HNF4G: variants seen among roughly 807,000 people sequenced by gnomAD.
HNF4G encodes the protein hepatocyte nuclear factor 4-gamma.
A neutral mutation model predicts 50.9 loss-of-function variants in HNF4G; 21 were observed. The observed-to-expected ratio is 0.41, with a 90% CI of 0.29 to 0.59. The LOEUF (loss-of-function observed/expected upper bound fraction) is 0.59, where lower values mean the gene tolerates loss of function less well. Among genes scored for constraint, HNF4G ranks in the 20% least tolerant of loss-of-function variants. The pLI, the probability that HNF4G is intolerant of heterozygous loss-of-function variation, is 0.26. For missense variants in HNF4G, 527 were observed against 559.4 expected (o/e 0.94, Z 0.58); for synonymous variants, 198 against 185.6 (o/e 1.07, Z -0.54).
chr8:75,410,526 T>C (rs1003388457), intron 1 of HNF4G, among the ~76,000 whole-genome samples: 8 of 152,306 alleles, frequency 5.3e-5, no homozygotes, highest in African/African-American at 1.7e-4. Context: ...ACCGCATTTG[T>C]TACTAACTAT....
At position 75,410,535 on chromosome 8, in the gene HNF4G, A is replaced by G. The variant is rs537069557; in HGVS notation, c.-144+2373A>G. On this transcript the variant is annotated intron_variant, in intron 1 of 10. Coordinates refer to the HNF4G transcript ENST00000354370. ...GAATCTACCGCATTTGTTACTAACT[A>G]TCCATTTACTGAATGGCTGGAGATA... Among the ~76,000 whole-genome samples the G allele has an allele frequency of 9.2e-5, 14 of 152,342 alleles. No individual in the cohort carries two copies. In the South Asian group the frequency reaches 1.7e-3, roughly 18 times the overall value.
intron 2 of HNF4G, among the ~76,000 whole-genome samples, chr8:75,546,748 C>T (rs1806791966): frequency 6.6e-6 from 1 of 151,984 alleles, no homozygotes; most frequent in African/African-American, 2.4e-5. Flanking sequence ...GCAGTCATGC[C>T]ACATTTTGTT....
chr8:75,461,691 A>C (rs1167298512), intron 1 of HNF4G, among the ~76,000 whole-genome samples: 1 of 150,940 alleles, frequency 6.6e-6, no homozygotes. Context: ...CCCCAAGTAG[A>C]TGCCTGAAAC....
chr8:75,422,647 T>C (rs1459440331), intron 1 of HNF4G, among the ~76,000 whole-genome samples: 2 of 152,074 alleles, frequency 1.3e-5, no homozygotes, highest in African/African-American at 4.8e-5. Flanking sequence ...TCTTTTTTTT[T>C]TTTTGAGACG....
intron 2 of HNF4G, among the ~76,000 whole-genome samples, chr8:75,501,622 G>GA (rs971561844): frequency 3.3e-5 from 5 of 151,788 alleles, no homozygotes; most frequent in African/African-American, 1.2e-4. Flanking sequence ...TTCCATCAGA[G>GA]AAAAAAATTA....
chr8:75,431,012 C>T (rs935711356), intron 1 of HNF4G, among the ~76,000 whole-genome samples: 1 of 151,788 alleles, frequency 6.6e-6, no homozygotes, highest in Non-Finnish European at 1.5e-5. Context: ...CAAACAGATA[C>T]ATTTAAAAAA....
chr8:75,559,690 C>A (rs1807250057), intron 8 of HNF4G, among the ~76,000 whole-genome samples: 1 of 152,076 alleles, frequency 6.6e-6, no homozygotes, highest in African/African-American at 2.4e-5. Flanking sequence ...ATGACCTCTT[C>A]AAATATATCA....
At chr8:75,508,379 A>G (rs1006316733) in intron 2 of HNF4G, among the ~76,000 whole-genome samples, 3 of 152,066 alleles carry the variant, frequency 2.0e-5, no homozygotes, top group South Asian at 2.1e-4. Context: ...TAAAAAAAAA[A>G]AAAAAGGAAG....
chr8:75,448,273 G>T (rs1290231786), intron 1 of HNF4G, among the ~76,000 whole-genome samples: 22 of 124,448 alleles, frequency 1.8e-4, no homozygotes, highest in Non-Finnish European at 1.7e-4. Context: ...CCACACTCTG[G>T]GGACTGTGGT....
chr8:75,411,449 C>T (rs545129287), intron 1 of HNF4G, among the ~76,000 whole-genome samples: 2 of 152,218 alleles, frequency 1.3e-5, no homozygotes, highest in Non-Finnish European at 2.9e-5. Context: ...TTTACCTACT[C>T]ATTATGGGTA....
rs1407252653 is a variant in HNF4G, at chr8:75,476,619, TG to T, written c.-143-13469del. 2.0e-5 allele frequency among the ~76,000 whole-genome samples: 3 copies of T among 152,242 alleles called. No individual in the cohort carries two copies. The East Asian group carries it at 5.8e-4, about 29-fold the overall frequency. On this transcript the variant is annotated intron_variant, in intron 1 of 10. Transcript: ENST00000354370. ...AAACATAGTTTTTAAAATTTGTTGT[TG>T]TTTTGTTTTTACATGTACTGTAGAT...
At chr8:75,562,290 G>C (rs1807336665) in intron 9 of HNF4G, among the ~76,000 whole-genome samples, 1 of 152,062 alleles carries the variant, frequency 6.6e-6, no homozygotes, top group African/African-American at 2.4e-5. Flanking sequence ...TGTGTAAATA[G>C]TATCTGAAAC....
At chr8:75,508,441 CAGTT>C (rs997296777) in intron 2 of HNF4G, among the ~76,000 whole-genome samples, 6 of 149,456 alleles carry the variant, frequency 4.0e-5, no homozygotes, top group Non-Finnish European at 7.4e-5. Context: ...ATATATTAAA[CAGTT>C]AAATAAAATA....
At chr8:75,481,371 C>T (rs967921622) in intron 1 of HNF4G, among the ~76,000 whole-genome samples, 26 of 152,178 alleles carry the variant, frequency 1.7e-4, no homozygotes, top group African/African-American at 6.3e-4. Context: ...TCCATCTGCT[C>T]TTCTTACTAG....
At chr8:75,494,946 G>A (rs2926580) in intron 2 of HNF4G, among the ~76,000 whole-genome samples, 34,576 of 151,942 alleles carry the variant, frequency 0.23, 5,138 homozygotes, top group African/African-American at 0.42. Flanking sequence ...TTGGTGTTAA[G>A]GAAACTATAT....
At chr8:75,515,884 G>A (rs1386725512) in intron 2 of HNF4G, among the ~76,000 whole-genome samples, 1 of 151,954 alleles carries the variant, frequency 6.6e-6, no homozygotes, top group East Asian at 1.9e-4. Context: ...TCCTGCCTCA[G>A]CCTCCCGAGT....
intron 1 of HNF4G, among the ~76,000 whole-genome samples, chr8:75,442,177 C>G (rs1190502367): frequency 1.3e-5 from 2 of 152,056 alleles, no homozygotes; most frequent in African/African-American, 4.8e-5. Flanking sequence ...AAGTTATTAT[C>G]ACAGGATAGA....
At chr8:75,551,023 C>CT (rs1806935466) in intron 3 of HNF4G, among the ~76,000 whole-genome samples, 1 of 152,256 alleles carries the variant, frequency 6.6e-6, no homozygotes, top group African/African-American at 2.4e-5. Flanking sequence ...TGAATACACT[C>CT]TTATCTTTGA....
In HNF4G at chr8:75,492,359, T is replaced by C. The variant is rs373961809; in HGVS notation, c.-24+2151T>C. 4.6e-5 allele frequency among the ~76,000 whole-genome samples: 7 copies of C among 152,322 alleles called. No individual in the cohort carries two copies. In the East Asian group the frequency reaches 1.4e-3, roughly 29 times the overall value. ...TTAATAACTGTTTAATGTAAAACTA[T>C]TCAGCTAGAAACCTGTAGGAGAGGG... On this transcript the variant is annotated intron_variant, in intron 2 of 10. Coordinates refer to the HNF4G transcript ENST00000354370.
Sources: gnomAD v4.1 joint callset for allele counts (sites outside exome capture counted in the v4.1 genomes callset) on GRCh38, gnomAD v4.1.1 for gene constraint, MANE v1.5 for transcripts, NCBI Gene and HGNC (gene_info 2026-07-23, HGNC 2026-07-21) for gene names.